SULF2: variants seen among roughly 807,000 people sequenced by gnomAD.
SULF2 encodes the protein extracellular sulfatase Sulf-2.
In SULF2, 52 loss-of-function variants were observed where a neutral mutation model predicts 107.7. The ratio of observed to expected loss-of-function variants is 0.48; its 90% CI spans 0.39 to 0.61. The LOEUF (loss-of-function observed/expected upper bound fraction) is 0.61, where lower values mean the gene tolerates loss of function less well. Among genes scored for constraint, SULF2 ranks in the 20% least tolerant of loss-of-function variants. The pLI is 0.00. For missense variants in SULF2, 993 were observed against 1,177.3 expected (o/e 0.84, Z 2.29); for synonymous variants, 460 against 464.3 (o/e 0.99, Z 0.12).
chr20:47,667,226 C>T (rs2087305398), intron 11 of SULF2, among the ~76,000 whole-genome samples: 1 of 152,120 alleles, frequency 6.6e-6, no homozygotes, highest in Admixed American at 6.5e-5. Flanking sequence ...GTGCCTGTCT[C>T]TGGGTAGAAA....
In SULF2 at chr20:47,666,717, C is replaced by G. The variant is rs560577474; in HGVS notation, c.1577-229G>C. Among the ~76,000 whole-genome samples, 1 of 152,320 alleles carries G rather than the reference C, an allele frequency of 6.6e-6. No homozygotes were observed. The highest frequency in any genetic ancestry group is 2.4e-5 in the African/African-American group (1 of 41,570). Reference sequence around the variant, plus strand: ...AGACGGAAGTCCTGGAGCCAAGAAGCCACTGACTCAAGAGGATTTCAAGCG... The same window carrying G: ...AGACGGAAGTCCTGGAGCCAAGAAGGCACTGACTCAAGAGGATTTCAAGCG... On this transcript the variant is annotated intron_variant, in intron 11 of 20. Transcript: ENST00000688720. This position sits in a 1 kb window ranked among gnomAD's most constrained non-coding sequence, Gnocchi z 5.4.
chr20:47,669,896 A>T (rs2087405260), intron 11 of SULF2, among the ~76,000 whole-genome samples: 1 of 152,230 alleles, frequency 6.6e-6, no homozygotes, highest in East Asian at 1.9e-4. Flanking sequence ...TGTGCCACAT[A>T]TTGAAGCAAG....
intron 4 of SULF2, 32 bp downstream of exon 4, chr20:47,702,487 G>A: frequency 1.9e-6 from 3 of 1,602,380 alleles, no homozygotes; most frequent in Non-Finnish European, 2.6e-6. Flanking sequence ...GGGCCACACA[G>A]CCACTCCCAG....
At chr20:47,719,402 C>A (rs1445392433) in intron 3 of SULF2, among the ~76,000 whole-genome samples, 1 of 152,182 alleles carries the variant, frequency 6.6e-6, no homozygotes, top group Non-Finnish European at 1.5e-5. Context: ...GTTTCTGTGT[C>A]CTGCTGGTTG....
chr20:47,703,930 C>T (rs952832232), intron 3 of SULF2, among the ~76,000 whole-genome samples: 10 of 152,154 alleles, frequency 6.6e-5, no homozygotes, highest in Non-Finnish European at 1.0e-4. Context: ...TGCCATATGA[C>T]GTCATCTATG....
chr20:47,748,754 G>T (rs1315389272), intron 2 of SULF2, among the ~76,000 whole-genome samples: 1 of 152,196 alleles, frequency 6.6e-6, no homozygotes, highest in African/African-American at 2.4e-5. Flanking sequence ...TCTCTGTGGT[G>T]CCAACAGAGG....
At position 47,690,261 on chromosome 20, in the gene SULF2, A is replaced by C; in HGVS notation, c.602T>G (p.Val201Gly). 1 of 1,556,820 alleles carries C rather than the reference A, an allele frequency of 6.4e-7. No homozygotes were observed. Among genetic ancestry groups the C allele is most frequent in the Non-Finnish European group, 8.7e-7 (1 of 1,147,720 alleles). The change falls in exon 5 of 21, where the codon GTG (valine) becomes GGG (glycine). Residue 201 changes from valine to glycine, a missense_variant. Physicochemically the swap from Val to Gly is moderately radical, Grantham distance 109. Transcript: ENST00000688720. ...YLTDLITNDS[V>G]SFFRTSKKMY... ...CTTCTTGGACGTGCGGAAGAAGCTC[A>C]CGCTGTCATTGGTGATGAGGTCTGT...
At chr20:47,693,850 G>A (rs1331457894) in intron 4 of SULF2, among the ~76,000 whole-genome samples, 1 of 152,186 alleles carries the variant, frequency 6.6e-6, no homozygotes, top group Admixed American at 6.5e-5. Flanking sequence ...GGTGATTACA[G>A]TACCTGCCTC....
rs532327485 is a variant in SULF2 at position 47,666,325 on chromosome 20, C to T, written c.1740G>A (p.Gly580=). ...APEDQDDKDG[G]DFSGTGGLPD... is the part of the protein sequence containing the mutation. Reference sequence around the variant, plus strand: ...GAAGGCCTCCAGTGCCACTGAAGTCCCCACCATCCTTGTCATCTTGGTCCT... The same window carrying T: ...GAAGGCCTCCAGTGCCACTGAAGTCTCCACCATCCTTGTCATCTTGGTCCT... Residue 580 remains glycine (G), a synonymous_variant, in exon 12 of 21, where the codon GGG becomes GGA. Transcript: ENST00000688720. This position sits in a 1 kb window ranked among gnomAD's most constrained non-coding sequence, Gnocchi z 5.4. 6.2e-7 allele frequency: 1 copy of T among 1,614,254 alleles called. No individual in the cohort carries two copies. Among genetic ancestry groups the T allele is most frequent in the East Asian group, 2.2e-5 (1 of 44,892 alleles).
chr20:47,720,416 C>T (rs1456728654), intron 3 of SULF2, among the ~76,000 whole-genome samples: 3 of 152,008 alleles, frequency 2.0e-5, no homozygotes, highest in African/African-American at 4.8e-5. Flanking sequence ...CCACCACGCC[C>T]GGCTAATTCT....
chr20:47,674,749 C>T (rs975667795), intron 10 of SULF2, among the ~76,000 whole-genome samples: 1 of 152,164 alleles, frequency 6.6e-6, no homozygotes, highest in Non-Finnish European at 1.5e-5. Flanking sequence ...GGGTGTGAGG[C>T]CCCTAAGAGA....
chr20:47,662,314 G>C (rs747765726), intron 17 of SULF2, among the ~76,000 whole-genome samples: 1 of 152,192 alleles, frequency 6.6e-6, no homozygotes, highest in Non-Finnish European at 1.5e-5. Flanking sequence ...TTCTTGTGTA[G>C]TCTGGGAGCT....
chr20:47,700,359 T>C (rs771256692), intron 4 of SULF2, among the ~76,000 whole-genome samples: 26 of 152,228 alleles, frequency 1.7e-4, no homozygotes, highest in Non-Finnish European at 3.1e-4. Context: ...CTGTAAGCCT[T>C]GTAAAGCCTA....
intron 7 of SULF2, 37 bp downstream of exon 7, chr20:47,682,957 G>A: frequency 1.3e-6 from 2 of 1,548,190 alleles, no homozygotes; most frequent in Non-Finnish European, 1.7e-6. Flanking sequence ...GCTGGGCCCA[G>A]GGGCCTCCCT....
intron 2 of SULF2, among the ~76,000 whole-genome samples, chr20:47,748,439 C>G (rs993338062): frequency 2.8e-4 from 43 of 152,266 alleles, no homozygotes; most frequent in African/African-American, 1.0e-3. Context: ...CTGAGACCCT[C>G]AGTTGCCCAC....
In SULF2 at chr20:47,663,154, G is replaced by T. The variant is rs1568778411; in HGVS notation, c.2286C>A (p.Thr762=). ...ANNNTYWCMR[T]INETHNFLFC... ...AGAGGAAATTGTGAGTCTCATTGAT[G>T]GTCCTCATGCACCAGTACGTGTTAT... The change falls in exon 17 of 21, where the codon ACC becomes ACA. Residue 762 remains threonine (T), a synonymous_variant. Transcript: ENST00000688720. 6.2e-7 allele frequency: 1 copy of T among 1,614,158 alleles called. No homozygotes were observed.
At chr20:47,770,671 G>C (rs1250110037) in intron 1 of SULF2, among the ~76,000 whole-genome samples, 1 of 152,168 alleles carries the variant, frequency 6.6e-6, no homozygotes, top group East Asian at 1.9e-4. Flanking sequence ...AGGAAGGGCT[G>C]GTCTCTGCTT....
chr20:47,684,697 C>T, intron 5 of SULF2, 116 bp from the exon 6 acceptor site: 1 of 1,032,496 alleles, frequency 9.7e-7, no homozygotes, highest in Non-Finnish European at 1.4e-6. Context: ...CAGCCCAGGG[C>T]CAGGTGTGAT....
chr20:47,712,951 C>G lies in SULF2; in HGVS notation c.416-10281G>C, dbSNP rs1236095619. On this transcript the variant is annotated intron_variant, in intron 3 of 20. Coordinates refer to ENST00000688720, the MANE Select transcript of SULF2 (RefSeq NM_001387048.1). The stretch of plus-strand genomic sequence containing the variant: ...TTGGGAGGCTGGGGTGGGAGAATCG[C>G]TTGAGCCCAGGAAGTGGAGGCGGAG... 3.3e-5 allele frequency among the ~76,000 whole-genome samples: 5 copies of G among 152,082 alleles called. No homozygotes were observed. The South Asian group carries it at 1.0e-3, about 32-fold the overall frequency.
Sources: allele counts gnomAD v4.1 joint callset (sites outside exome capture counted in the v4.1 genomes callset), GRCh38; gene constraint gnomAD v4.1.1; non-coding constraint Gnocchi (gnomAD v3.1); transcripts MANE v1.5; gene names NCBI Gene and HGNC (gene_info 2026-07-23, HGNC 2026-07-21).